CCDC171: variants seen among roughly 807,000 people sequenced by gnomAD.
CCDC171 encodes coiled-coil domain-containing protein 171.
Under a neutral mutation model 168.2 loss-of-function variants are expected in CCDC171, and 177 were observed. That is an observed-to-expected ratio of 1.05 (90% CI 0.93 to 1.19). The LOEUF (loss-of-function observed/expected upper bound fraction) is 1.19, where lower values mean the gene tolerates loss of function less well. CCDC171 is among the 50% of genes most tolerant of loss of function. The pLI, the probability that CCDC171 is intolerant of heterozygous loss-of-function variation, is 0.00. For missense variants in CCDC171, 1,991 were observed against 1,539.0 expected, an observed-to-expected ratio of 1.29 and a Z score of -4.91; for synonymous variants, 687 against 540.8, an observed-to-expected ratio of 1.27 and a Z score of -3.75.
chr9:15,650,520 C>G (rs908148780), intron 7 of CCDC171, among the ~76,000 whole-genome samples: 3 of 152,112 alleles, frequency 2.0e-5, no homozygotes, highest in African/African-American at 7.2e-5. Flanking sequence ...AGTTATTGGT[C>G]ATTTACATAT....
intron 23 of CCDC171, among the ~76,000 whole-genome samples, chr9:15,860,867 G>A (rs2061527160): frequency 6.6e-6 from 1 of 151,074 alleles, no homozygotes; most frequent in South Asian, 2.1e-4. Context: ...CTATTATTGT[G>A]TTGCTGTCTA....
At chr9:16,059,270 C>G (rs181063161) in intron 1 of CCDC171, among the ~76,000 whole-genome samples, 1 of 152,280 alleles carries the variant, frequency 6.6e-6, no homozygotes, top group African/African-American at 2.4e-5. Flanking sequence ...ACTTAAAGGA[C>G]TAAGATTGAC....
At chr9:16,053,339 C>T (rs190197256) in intron 1 of CCDC171, among the ~76,000 whole-genome samples, 19 of 152,354 alleles carry the variant, frequency 1.2e-4, no homozygotes, top group Admixed American at 1.0e-3. Context: ...TTCCACCTCC[C>T]GGCATCATGG....
intron 19 of CCDC171, among the ~76,000 whole-genome samples, chr9:15,778,643 CAAAAA>C (rs527592822): frequency 3.4e-5 from 2 of 58,770 alleles, no homozygotes; most frequent in South Asian, 1.0e-3. Flanking sequence ...AAGACTGTCT[CAAAAA>C]AAAAAAAAAA....
chr9:16,092,680 C>T, the CCDC171 span, among the ~76,000 whole-genome samples: 5 of 152,240 alleles, frequency 3.3e-5, no homozygotes, highest in Non-Finnish European at 5.9e-5. Flanking sequence ...CTGGGCTCTG[C>T]TCTGAGGCAG....
At chr9:15,993,785 G>T (rs2132921964) in intron 3 of CCDC171, among the ~76,000 whole-genome samples, 1 of 152,314 alleles carries the variant, frequency 6.6e-6, no homozygotes, top group East Asian at 1.9e-4. Context: ...CAAAGGATAT[G>T]AACAGACACT....
chr9:15,790,458 G>A (rs2058197965), intron 21 of CCDC171, among the ~76,000 whole-genome samples: 1 of 152,122 alleles, frequency 6.6e-6, no homozygotes, highest in African/African-American at 2.4e-5. Flanking sequence ...TTTTTTTCTT[G>A]TAAATTTGTT....
intron 3 of CCDC171, among the ~76,000 whole-genome samples, chr9:16,014,742 AGTAATATT>A (rs1472806342): frequency 9.2e-5 from 14 of 152,334 alleles, no homozygotes; most frequent in African/African-American, 3.4e-4. Context: ...GTCAATAAAT[AGTAATATT>A]TTGAAAGAAA....
intron 3 of CCDC171, among the ~76,000 whole-genome samples, chr9:15,998,810 C>G: frequency 6.6e-6 from 1 of 152,104 alleles, no homozygotes; most frequent in East Asian, 1.9e-4. Flanking sequence ...AACTCCCTTC[C>G]CTCTTTGAAA....
intron 25 of CCDC171, among the ~76,000 whole-genome samples, chr9:15,959,657 G>T (rs1443791424): frequency 6.6e-6 from 1 of 152,074 alleles, no homozygotes; most frequent in African/African-American, 2.4e-5. Flanking sequence ...AAACACCATT[G>T]TGCGGACTCT....
At chr9:15,924,066 C>T (rs1298405269) in intron 25 of CCDC171, among the ~76,000 whole-genome samples, 1 of 151,332 alleles carries the variant, frequency 6.6e-6, no homozygotes, top group Non-Finnish European at 1.5e-5. Context: ...CCTTAAAAGG[C>T]TTTTCCTTTT....
At chr9:15,649,362 CA>C (rs2047314483) in intron 7 of CCDC171, among the ~76,000 whole-genome samples, 1 of 152,070 alleles carries the variant, frequency 6.6e-6, no homozygotes. Context: ...ACTAAAACAC[CA>C]AAAGCAATGG....
intron 25 of CCDC171, among the ~76,000 whole-genome samples, chr9:15,923,740 T>C (rs1050109595): frequency 5.9e-5 from 9 of 151,650 alleles, no homozygotes; most frequent in African/African-American, 2.2e-4. Flanking sequence ...TGAAAATGTG[T>C]TGTACATGAT....
intron 25 of CCDC171, among the ~76,000 whole-genome samples, chr9:15,955,701 T>C (rs1354324733): frequency 6.6e-6 from 1 of 152,186 alleles, no homozygotes; most frequent in African/African-American, 2.4e-5. Context: ...AGTGCAATTG[T>C]TGTCTAGCTG....
intron 25 of CCDC171, among the ~76,000 whole-genome samples, chr9:15,941,934 C>T (rs1827783034): frequency 6.6e-6 from 1 of 151,860 alleles, no homozygotes; most frequent in African/African-American, 2.4e-5. Context: ...TGCTTTTTAA[C>T]ATGTTCAGCC....
intron 8 of CCDC171, among the ~76,000 whole-genome samples, chr9:16,036,478 C>A (rs10756738): frequency 0.4 from 61,512 of 151,956 alleles, 14,018 homozygotes; most frequent in East Asian, 0.73. Context: ...CCCCGTCTCT[C>A]CTAAAAATAC....
At chr9:15,897,302 A>G (rs1821036654) in intron 24 of CCDC171, among the ~76,000 whole-genome samples, 3 of 151,896 alleles carry the variant, frequency 2.0e-5, no homozygotes, top group South Asian at 4.2e-4. Flanking sequence ...CAAGTCATCT[A>G]TTGTGTGGAT....
At chr9:15,946,684 T>C (rs1828435247) in intron 25 of CCDC171, among the ~76,000 whole-genome samples, 1 of 152,010 alleles carries the variant, frequency 6.6e-6, no homozygotes, top group African/African-American at 2.4e-5. Flanking sequence ...AAAGTTCATA[T>C]GGAACCAAAA....
intron 8 of CCDC171, among the ~76,000 whole-genome samples, chr9:15,658,591 A>G (rs1286361152): frequency 2.0e-5 from 3 of 152,306 alleles, no homozygotes; most frequent in East Asian, 3.9e-4. Context: ...GTCCCAGTTT[A>G]TCTAGTTGAG....
Sources: allele counts gnomAD v4.1 joint callset (sites outside exome capture counted in the v4.1 genomes callset), GRCh38; gene constraint gnomAD v4.1.1; transcripts MANE v1.5; gene names NCBI Gene and HGNC (gene_info 2026-07-23, HGNC 2026-07-21).